Variants in METTL15 observed in about 807,000 individuals in gnomAD.
METTL15 encodes the protein 12S rRNA N(4)-cytidine methyltransferase METTL15.
METTL15 carries 34 observed loss-of-function variants against 38.3 expected under a neutral mutation model. The observed-to-expected ratio is 0.89, with a 90% CI of 0.68 to 1.18. METTL15 has a LOEUF of 1.18. Ranked by LOEUF, METTL15 falls within the 50% of genes most tolerant of loss-of-function variation. METTL15 has a pLI of 0.00. For synonymous variants in METTL15, 162 were observed against 170.9 expected (o/e 0.95, Z 0.41); for missense variants, 438 against 498.4 (o/e 0.88, Z 1.15).
chr11:28,241,533 C>G (rs1265821444), intron 4 of METTL15, among the ~76,000 whole-genome samples: 2 of 110,262 alleles, frequency 1.8e-5, no homozygotes, highest in Admixed American at 2.0e-4. Flanking sequence ...GACCCCGTCT[C>G]AAAAAAAGAA....
chr11:28,510,330 A>C (rs1241859456), intron 6 of METTL15, among the ~76,000 whole-genome samples: 2 of 152,190 alleles, frequency 1.3e-5, no homozygotes, highest in Non-Finnish European at 2.9e-5. Flanking sequence ...TATGTTTTGC[A>C]TCTGTTTGTT....
chr11:28,336,086 A>G (rs950550332), downstream of METTL15, among the ~76,000 whole-genome samples: 4 of 152,176 alleles, frequency 2.6e-5, no homozygotes, highest in African/African-American at 9.7e-5. Flanking sequence ...TTTTAAGTGC[A>G]GCGTCTGCAT....
chr11:28,411,335 T>C lies in METTL15; in HGVS notation c.*359-12964T>C, dbSNP rs1233608522. On this transcript the variant is annotated intron_variant and NMD_transcript_variant, in intron 5 of 7. Transcript: ENST00000532947. ...GGCATCACATCTTGATTTAAAATCA[T>C]GTTACAAAGCTATAGTAATCAAAAT... Among the ~76,000 whole-genome samples the C allele has an allele frequency of 3.3e-5, 5 of 152,134 alleles. 1 individual carries two copies. In the South Asian group the frequency reaches 6.2e-4, roughly 19 times the overall value.
intron 3 of METTL15, among the ~76,000 whole-genome samples, chr11:28,199,297 T>C (rs1342088904): frequency 6.6e-6 from 1 of 152,196 alleles, no homozygotes; most frequent in African/African-American, 2.4e-5. Flanking sequence ...TGTGGATTAA[T>C]GCTGCTATAG....
chr11:28,363,119 A>AT (rs1394105029), intron 5 of METTL15, among the ~76,000 whole-genome samples: 3 of 151,820 alleles, frequency 2.0e-5, no homozygotes, highest in Admixed American at 6.6e-5. Flanking sequence ...GATGTTGTGC[A>AT]TTTTTTTATG....
chr11:28,377,933 T>C (rs1220551784), intron 5 of METTL15, among the ~76,000 whole-genome samples: 2 of 152,138 alleles, frequency 1.3e-5, no homozygotes, highest in African/African-American at 4.8e-5. Flanking sequence ...TGTCAGTGTG[T>C]CCCTGCTGGA....
chr11:28,372,510 G>C (rs1230253566), intron 5 of METTL15, among the ~76,000 whole-genome samples: 7 of 135,216 alleles, frequency 5.2e-5, no homozygotes, highest in African/African-American at 1.6e-4. Context: ...TGCACATCAA[G>C]TTCTGGAAAA....
At chr11:28,516,067 G>A (rs1458354558) in intron 6 of METTL15, among the ~76,000 whole-genome samples, 1 of 152,154 alleles carries the variant, frequency 6.6e-6, no homozygotes, top group Admixed American at 6.5e-5. Context: ...TGAACATGTT[G>A]GGTTATTACA....
At chr11:28,169,514 T>C (rs988704297) in intron 3 of METTL15, among the ~76,000 whole-genome samples, 7 of 152,308 alleles carry the variant, frequency 4.6e-5, no homozygotes, top group African/African-American at 1.7e-4. Flanking sequence ...TGAAAGATGA[T>C]GTACCAGAAT....
At chr11:28,253,641 A>G (rs1035307930) in intron 4 of METTL15, among the ~76,000 whole-genome samples, 3 of 43,416 alleles carry the variant, frequency 6.9e-5, no homozygotes, top group African/African-American at 9.6e-5. Flanking sequence ...CCCCCCGCCA[A>G]CTACCCTTCT....
intron 3 of METTL15, among the ~76,000 whole-genome samples, chr11:28,166,841 C>G (rs1244492565): frequency 6.6e-6 from 1 of 152,072 alleles, no homozygotes; most frequent in Admixed American, 6.6e-5. Context: ...CCCAGCTACT[C>G]CGGAGCCTGT....
intron 3 of METTL15, among the ~76,000 whole-genome samples, chr11:28,190,230 CT>C (rs1382267318): frequency 6.6e-6 from 1 of 151,026 alleles, no homozygotes; most frequent in African/African-American, 2.4e-5. Context: ...TGTATGGTGT[CT>C]TTTTGCATTT....
rs548510216 is a variant in METTL15, at chr11:28,376,185, G to C, written c.*358+14149G>C. Among the ~76,000 whole-genome samples, 57 of 151,908 alleles carry C rather than the reference G, an allele frequency of 3.8e-4. No individual in the cohort carries two copies. In the South Asian group the frequency reaches 0.011, roughly 29 times the overall value. On this transcript the variant is annotated intron_variant and NMD_transcript_variant, in intron 5 of 7. Transcript: ENST00000532947. ...AGTTCTGTAGATGTCTATTAGGTCCGCTTGGTGCAGAGCTGAGTTCAATTC... is the reference window on the plus strand; with the variant it reads ...AGTTCTGTAGATGTCTATTAGGTCCCCTTGGTGCAGAGCTGAGTTCAATTC...
intron 5 of METTL15, among the ~76,000 whole-genome samples, chr11:28,401,651 A>T (rs1448976478): frequency 6.6e-6 from 1 of 151,930 alleles, no homozygotes; most frequent in Admixed American, 6.6e-5. Flanking sequence ...TGCACAGCAG[A>T]CCTGCATTTG....
At chr11:28,375,397 T>G (rs373116866) in intron 5 of METTL15, among the ~76,000 whole-genome samples, 4,311 of 150,848 alleles carry the variant, frequency 0.029, 83 homozygotes, top group Non-Finnish European at 0.043. Flanking sequence ...AGTCTTGGGA[T>G]AGTGTATGTG....
intron 3 of METTL15, among the ~76,000 whole-genome samples, chr11:28,206,250 T>G (rs1287129891): frequency 6.6e-6 from 1 of 151,242 alleles, no homozygotes; most frequent in Admixed American, 6.6e-5. Flanking sequence ...GGTCTAACGT[T>G]TAAATCTTTA....
chr11:28,357,584 A>G (rs1428219574), intron 4 of METTL15, among the ~76,000 whole-genome samples: 1 of 152,206 alleles, frequency 6.6e-6, no homozygotes, highest in Non-Finnish European at 1.5e-5. Context: ...CACAGTGATA[A>G]TCCTACTTTA....
chr11:28,258,862 T>C (rs558832258), intron 4 of METTL15, among the ~76,000 whole-genome samples: 1 of 152,292 alleles, frequency 6.6e-6, no homozygotes, highest in African/African-American at 2.4e-5. Context: ...TACTTGCTAC[T>C]CTGCCCTCCT....
chr11:28,205,396 A>G (rs1430369155), intron 3 of METTL15, among the ~76,000 whole-genome samples: 8 of 151,740 alleles, frequency 5.3e-5, no homozygotes, highest in South Asian at 4.2e-4. Flanking sequence ...TGAGAATGAT[A>G]ATTTCCAATT....
Sources: allele counts gnomAD v4.1 joint callset (sites outside exome capture counted in the v4.1 genomes callset), GRCh38; gene constraint gnomAD v4.1.1; transcripts MANE v1.5; gene names NCBI Gene and HGNC (gene_info 2026-07-23, HGNC 2026-07-21).